SLC25A21: variants seen among roughly 807,000 people sequenced by gnomAD.
The protein encoded by SLC25A21 is mitochondrial 2-oxodicarboxylate carrier.
Under a neutral mutation model 43.8 loss-of-function variants are expected in SLC25A21, and 47 were observed. That is an observed-to-expected ratio of 1.07 (90% CI 0.85 to 1.37). The LOEUF (loss-of-function observed/expected upper bound fraction) is 1.37. Among genes scored for constraint, SLC25A21 ranks in the 40% most tolerant of loss-of-function variants. The pLI, the probability that SLC25A21 is intolerant of heterozygous loss-of-function variation, is 0.00. For synonymous variants in SLC25A21, 131 were observed against 121.3 expected, an observed-to-expected ratio of 1.08 and a Z score of -0.52; for missense variants, 352 against 350.2, an observed-to-expected ratio of 1.00 and a Z score of -0.04.
At chr14:37,004,212 CAAAT>C (rs753328649) in intron 1 of SLC25A21, among the ~76,000 whole-genome samples, 1 of 152,076 alleles carries the variant, frequency 6.6e-6, no homozygotes, top group Non-Finnish European at 1.5e-5. Context: ...ATGGTAAAAA[CAAAT>C]AAATAGTTTT....
In SLC25A21 at chr14:36,990,813, C is replaced by T. The variant is rs965778881; in HGVS notation, c.71-115809G>A. On this transcript the variant is annotated intron_variant, in intron 1 of 9. Coordinates refer to ENST00000331299, the MANE Select transcript of SLC25A21 (RefSeq NM_030631.4). The stretch of plus-strand genomic sequence containing the variant: ...GGAAGATTGCTTGAGCCCGGGAGGT[C>T]GAGGTTGCAGTGAGCCATGTTTGCA... 5.9e-5 allele frequency among the ~76,000 whole-genome samples: 9 copies of T among 151,806 alleles called. No homozygotes were observed. The South Asian group carries it at 6.2e-4, about 11-fold the overall frequency.
chr14:37,031,375 T>C (rs1276347487), intron 1 of SLC25A21, among the ~76,000 whole-genome samples: 1 of 152,246 alleles, frequency 6.6e-6, no homozygotes, highest in Non-Finnish European at 1.5e-5. Flanking sequence ...AAGTAAATCT[T>C]TACTTCAAGT....
intron 1 of SLC25A21, among the ~76,000 whole-genome samples, chr14:36,889,088 T>G (rs1891006583): frequency 6.6e-6 from 1 of 152,218 alleles, no homozygotes; most frequent in African/African-American, 2.4e-5. Flanking sequence ...ACTGGCCTCT[T>G]TGCTATGCTC....
At chr14:36,951,936 C>T (rs1340633071) in intron 1 of SLC25A21, among the ~76,000 whole-genome samples, 1 of 152,050 alleles carries the variant, frequency 6.6e-6, no homozygotes, top group Non-Finnish European at 1.5e-5. Context: ...TAAACTTGGG[C>T]CAATAAAAGA....
chr14:37,157,029 G>A (rs528542486), intron 1 of SLC25A21, among the ~76,000 whole-genome samples: 2 of 152,180 alleles, frequency 1.3e-5, no homozygotes, highest in East Asian at 1.9e-4. Flanking sequence ...CATATGTTAC[G>A]CCACAACACA....
At chr14:37,105,137 T>C (rs1283036202) in intron 1 of SLC25A21, among the ~76,000 whole-genome samples, 2 of 152,168 alleles carry the variant, frequency 1.3e-5, no homozygotes, top group Non-Finnish European at 2.9e-5. Context: ...GTGAAATGAA[T>C]GAACAGCAGA....
intron 1 of SLC25A21, among the ~76,000 whole-genome samples, chr14:37,053,073 T>C (rs1325217507): frequency 6.6e-6 from 1 of 152,172 alleles, no homozygotes; most frequent in Admixed American, 6.5e-5. Context: ...TATTTTGAGA[T>C]AGAAAAAAGT....
At chr14:36,904,198 A>G (rs994562499) in intron 1 of SLC25A21, among the ~76,000 whole-genome samples, 2 of 152,234 alleles carry the variant, frequency 1.3e-5, no homozygotes, top group Non-Finnish European at 2.9e-5. Flanking sequence ...ATCCCGACCC[A>G]GATTCAAAAA....
chr14:36,765,708 G>A (rs1463627019), intron 3 of SLC25A21, among the ~76,000 whole-genome samples: 3 of 152,254 alleles, frequency 2.0e-5, no homozygotes, highest in South Asian at 4.1e-4. Context: ...TACCCTCAAC[G>A]TGTATGTTTC....
Position 36,786,145 on chromosome 14 carries a change from G to A in SLC25A21, c.203+27773C>T, listed in dbSNP as rs555085512. On this transcript the variant is annotated intron_variant, in intron 3 of 9. Transcript: ENST00000331299. ...TTATTTATTAGCTATGGGACCTTGG[G>A]CACCTTGGTTTCCACCTATAAAATG... Among the ~76,000 whole-genome samples the A allele has an allele frequency of 3.3e-5, 5 of 152,258 alleles. No homozygotes were observed. The South Asian group carries it at 1.0e-3, about 32-fold the overall frequency.
intron 2 of SLC25A21, among the ~76,000 whole-genome samples, chr14:36,846,200 A>G (rs1374691371): frequency 6.6e-6 from 1 of 152,168 alleles, no homozygotes; most frequent in Non-Finnish European, 1.5e-5. Context: ...TCTACTTTCT[A>G]GTTGAGAAAG....
chr14:37,078,709 G>A (rs764680463), intron 1 of SLC25A21, among the ~76,000 whole-genome samples: 4 of 152,162 alleles, frequency 2.6e-5, no homozygotes, highest in Non-Finnish European at 5.9e-5. Context: ...TGGTATAAAC[G>A]GGAAAAGAAA....
At chr14:37,019,738 A>G (rs1456506974) in intron 1 of SLC25A21, among the ~76,000 whole-genome samples, 1 of 151,914 alleles carries the variant, frequency 6.6e-6, no homozygotes, top group Non-Finnish European at 1.5e-5. Context: ...GGAAGTGAGT[A>G]ACAACCCACT....
At chr14:36,818,736 C>T (rs1888534112) in intron 2 of SLC25A21, among the ~76,000 whole-genome samples, 1 of 152,190 alleles carries the variant, frequency 6.6e-6, no homozygotes. Flanking sequence ...AATTATAGTG[C>T]ATTTTGGTCA....
At chr14:36,856,569 C>T (rs192868277) in intron 2 of SLC25A21, among the ~76,000 whole-genome samples, 11 of 152,210 alleles carry the variant, frequency 7.2e-5, no homozygotes, top group East Asian at 1.9e-4. Context: ...CTTTAGACTG[C>T]GAGAGGCCAG....
chr14:37,104,326 C>T (rs1962873161), intron 1 of SLC25A21, among the ~76,000 whole-genome samples: 1 of 152,168 alleles, frequency 6.6e-6, no homozygotes, highest in South Asian at 2.1e-4. Context: ...ATAGAACCTG[C>T]TGGCACCTTG....
intron 1 of SLC25A21, among the ~76,000 whole-genome samples, chr14:37,121,269 C>A (rs1238988337): frequency 3.9e-5 from 6 of 152,156 alleles, no homozygotes; most frequent in Non-Finnish European, 8.8e-5. Flanking sequence ...TTGGTCCTTT[C>A]TTTTGGCCGA....
chr14:36,726,934 G>A (rs545955201), intron 5 of SLC25A21, among the ~76,000 whole-genome samples: 3 of 152,294 alleles, frequency 2.0e-5, no homozygotes, highest in African/African-American at 7.2e-5. Context: ...CTAAAAGAGA[G>A]GAAGGAGGGA....
intron 1 of SLC25A21, among the ~76,000 whole-genome samples, chr14:37,118,561 A>T (rs1963148784): frequency 6.6e-6 from 1 of 152,208 alleles, no homozygotes; most frequent in South Asian, 2.1e-4. Flanking sequence ...GGCAGTGGGT[A>T]AGAAGAACCC....
Sources: allele counts gnomAD v4.1 joint callset (sites outside exome capture counted in the v4.1 genomes callset), GRCh38; gene constraint gnomAD v4.1.1; transcripts MANE v1.5; gene names NCBI Gene and HGNC (gene_info 2026-07-23, HGNC 2026-07-21).